Variants in LHPP observed in about 807,000 individuals in gnomAD.
The protein encoded by LHPP is phospholysine phosphohistidine inorganic pyrophosphate phosphatase.
Under a neutral mutation model 30.3 loss-of-function variants are expected in LHPP, and 24 were observed. That is an observed-to-expected ratio of 0.79 (90% CI 0.57 to 1.11). The LOEUF is 1.11. LHPP is among the 50% of genes most tolerant of loss of function. The probability of loss-of-function intolerance (pLI) is 0.00; values close to 1 mark genes in which losing one functional copy is unlikely to be tolerated. For synonymous variants in LHPP, 150 were observed against 157.1 expected (o/e 0.95, Z 0.34); for missense variants, 356 against 367.2 (o/e 0.97, Z 0.25).
chr10:124,569,655 C>G (rs1171841729), intron 6 of LHPP, among the ~76,000 whole-genome samples: 1 of 152,172 alleles, frequency 6.6e-6, no homozygotes, highest in African/African-American at 2.4e-5. Context: ...TGGGGGATCT[C>G]AGGGACATGT....
chr10:124,470,103 A>G (rs1416024168), intron 1 of LHPP, among the ~76,000 whole-genome samples: 1 of 152,096 alleles, frequency 6.6e-6, no homozygotes, highest in Non-Finnish European at 1.5e-5. Flanking sequence ...CAGGCCCTTT[A>G]TTGAAGCCCT....
chr10:124,481,313 C>G (rs1357880585), intron 1 of LHPP, among the ~76,000 whole-genome samples: 1 of 150,796 alleles, frequency 6.6e-6, no homozygotes, highest in African/African-American at 2.4e-5. Context: ...CACTACCACT[C>G]ATGGCTGTAT....
At chr10:124,468,340 T>C (rs1952621227) in intron 1 of LHPP, among the ~76,000 whole-genome samples, 1 of 152,196 alleles carries the variant, frequency 6.6e-6, no homozygotes. Context: ...CTAACAGCAA[T>C]GTAATAACAA....
chr10:124,513,985 G>T (rs1225214566), intron 5 of LHPP, among the ~76,000 whole-genome samples: 2 of 152,180 alleles, frequency 1.3e-5, no homozygotes, highest in African/African-American at 2.4e-5. Context: ...GTGCCGTAAT[G>T]CAGAGCACTC....
Position 124,496,944 on chromosome 10 carries a change from G to A in LHPP, c.468-17G>A, listed in dbSNP as rs369821327. 2.5e-5 allele frequency: 40 copies of A among 1,612,062 alleles called. No individual in the cohort carries two copies. The highest frequency in any genetic ancestry group is 3.1e-5 in the Non-Finnish European group (37 of 1,178,962). ...CCCCGTGCTCAGCATCCCGTGCTCC[G>A]TTCTGCTCTCTCCTAGGCGTTACTA... On this transcript the variant is annotated splice_polypyrimidine_tract_variant and intron_variant, in intron 3 of 6. Transcript: ENST00000368842. This position sits in a 1 kb window ranked among gnomAD's most constrained non-coding sequence, Gnocchi z 4.3.
At chr10:124,521,353 C>T (rs1400858741) in intron 6 of LHPP, among the ~76,000 whole-genome samples, 1 of 152,280 alleles carries the variant, frequency 6.6e-6, no homozygotes, top group Non-Finnish European at 1.5e-5. Context: ...CCCCAGCCCT[C>T]TGGCACCTCA....
intron 1 of LHPP, among the ~76,000 whole-genome samples, chr10:124,481,308 C>G (rs1467234707): frequency 6.6e-6 from 1 of 151,678 alleles, no homozygotes. Context: ...GCTGTCACTA[C>G]CACTCATGGC....
At position 124,592,916 on chromosome 10, in the gene LHPP, G is replaced by A. The variant is rs372665534; in HGVS notation, c.717-20348G>A. 5.3e-5 allele frequency among the ~76,000 whole-genome samples: 8 copies of A among 152,338 alleles called. No homozygotes were observed. The highest frequency in any genetic ancestry group is 2.1e-4 in the South Asian group (1 of 4,828). ...CAATCGGCCCAGTGTGGGGCGCACC[G>A]CCCCAGGCAGGCTGGCGTCCCGGGG... is the stretch of plus-strand genomic sequence containing the variant. On this transcript the variant is annotated intron_variant, in intron 6 of 6. Transcript: ENST00000368842. The surrounding 1 kb of genome is among the most constrained non-coding windows in gnomAD (Gnocchi z 6.2).
chr10:124,579,209 G>A (rs550173962), intron 6 of LHPP, among the ~76,000 whole-genome samples: 5 of 152,364 alleles, frequency 3.3e-5, no homozygotes, highest in East Asian at 1.9e-4. Flanking sequence ...CGTTCTGAGC[G>A]CCCTCTGAGC....
chr10:124,577,436 T>G (rs1432306467), intron 6 of LHPP, among the ~76,000 whole-genome samples: 3 of 152,140 alleles, frequency 2.0e-5, no homozygotes, highest in African/African-American at 7.2e-5. Context: ...AAAACTTAAT[T>G]AGCTGCATAA....
chr10:124,585,615 T>TAA (rs75542990), intron 6 of LHPP, among the ~76,000 whole-genome samples: 1 of 136,724 alleles, frequency 7.3e-6, no homozygotes, highest in East Asian at 2.2e-4. Context: ...ACTCTATCTC[T>TAA]AAAAAAAAAA....
chr10:124,512,187 ACT>A (rs1298464448), intron 5 of LHPP, among the ~76,000 whole-genome samples: 4 of 152,198 alleles, frequency 2.6e-5, no homozygotes, highest in Non-Finnish European at 5.9e-5. Flanking sequence ...CTGGCCTGGC[ACT>A]GGCCTGCGAA....
chr10:124,507,795 TGG>T (rs1309435181), intron 5 of LHPP, among the ~76,000 whole-genome samples: 4 of 4,900 alleles, frequency 8.2e-4, no homozygotes, highest in Admixed American at 2.6e-3. Context: ...GTATTTCAGG[TGG>T]GGGGGGTAGG....
Position 124,517,049 on chromosome 10 carries a change from T to C in LHPP, c.625-131T>C. The C allele has an allele frequency of 1.6e-6, 1 of 608,974 alleles. No homozygotes were observed. Among genetic ancestry groups the C allele is most frequent in the Non-Finnish European group, 2.8e-6 (1 of 353,102 alleles). 37.7% of individuals were successfully genotyped at this position (608,974 alleles called of 1,614,324 possible). A position where few individuals can be genotyped will look rare whatever the true frequency, so the allele number is the denominator to read the frequency against. ...TTTAATCAATACGATGACAATATTA[T>C]CTTGTTTAATTTGTATGATGGTGGT... On this transcript the variant is annotated intron_variant, in intron 5 of 6. Transcript: ENST00000368842. This position sits in a 1 kb window ranked among gnomAD's most constrained non-coding sequence, Gnocchi z 4.1.
intron 5 of LHPP, among the ~76,000 whole-genome samples, chr10:124,514,355 TCTA>T (rs1954392991): frequency 6.6e-6 from 1 of 152,234 alleles, no homozygotes; most frequent in African/African-American, 2.4e-5. Flanking sequence ...AAGGACTTCT[TCTA>T]CATTTCTTGT....
rs746654916 is a variant in LHPP, at chr10:124,496,922, C to G, written c.468-39C>G. 1.3e-6 allele frequency: 2 copies of G among 1,583,158 alleles called. No individual in the cohort carries two copies. The highest frequency in any genetic ancestry group is 1.1e-5 in the South Asian group (1 of 89,260). ...ACTTAGCATCCTGCGGTCAGCTCCC[C>G]GTGCTCAGCATCCCGTGCTCCGTTC... On this transcript the variant is annotated intron_variant, in intron 3 of 6. Coordinates refer to ENST00000368842, the MANE Select transcript of LHPP (RefSeq NM_022126.4). This position sits in a 1 kb window ranked among gnomAD's most constrained non-coding sequence, Gnocchi z 4.3.
intron 1 of LHPP, among the ~76,000 whole-genome samples, chr10:124,475,196 T>C (rs1359580350): frequency 1.3e-5 from 2 of 151,864 alleles, no homozygotes; most frequent in South Asian, 4.2e-4. Flanking sequence ...CTAACTTTTG[T>C]ATTTTAAATA....
chr10:124,499,505 A>T (rs767185374), intron 5 of LHPP, among the ~76,000 whole-genome samples: 2 of 151,864 alleles, frequency 1.3e-5, no homozygotes, highest in South Asian at 4.1e-4. Flanking sequence ...AACAAAAAAA[A>T]TTAGCTGGGC....
At chr10:124,611,456 G>C (rs187091973) in intron 6 of LHPP, among the ~76,000 whole-genome samples, 10 of 152,178 alleles carry the variant, frequency 6.6e-5, no homozygotes, top group Non-Finnish European at 1.0e-4. Flanking sequence ...GACTGTGCAG[G>C]AGGGGAAGCG....
Sources: gnomAD v4.1 joint callset for allele counts (sites outside exome capture counted in the v4.1 genomes callset) on GRCh38, gnomAD v4.1.1 for gene constraint, Gnocchi (gnomAD v3.1) non-coding constraint, MANE v1.5 for transcripts, NCBI Gene and HGNC (gene_info 2026-07-23, HGNC 2026-07-21) for gene names.